Variants in CTNNA2 observed in about 807,000 individuals in gnomAD.
CTNNA2 encodes the protein catenin alpha 2.
A neutral mutation model predicts 101.0 loss-of-function variants in CTNNA2; 42 were observed. The ratio of observed to expected loss-of-function variants is 0.42; its 90% CI spans 0.32 to 0.54. The LOEUF (loss-of-function observed/expected upper bound fraction) is 0.54. CTNNA2 is among the 20% of genes least tolerant of loss of function. The pLI is 0.14. For synonymous variants in CTNNA2, 450 were observed against 456.4 expected (o/e 0.99, Z 0.18); for missense variants, 871 against 1,223.1 (o/e 0.71, Z 4.29).
chr2:79,541,832 G>C (rs1297951183), intron 1 of CTNNA2, among the ~76,000 whole-genome samples: 1 of 151,956 alleles, frequency 6.6e-6, no homozygotes, highest in Non-Finnish European at 1.5e-5. Context: ...TCACCATGTT[G>C]TCCAGGATGG....
chr2:80,279,419 T>G (rs1674189922), intron 7 of CTNNA2, among the ~76,000 whole-genome samples: 1 of 152,184 alleles, frequency 6.6e-6, no homozygotes, highest in Non-Finnish European at 1.5e-5. Context: ...GCCACTATGA[T>G]TTTCCAAGTG....
At chr2:80,536,445 T>TTCTGC (rs1306494183) in intron 9 of CTNNA2, among the ~76,000 whole-genome samples, 3 of 152,188 alleles carry the variant, frequency 2.0e-5, no homozygotes, top group Non-Finnish European at 2.9e-5. Context: ...CGAATTGCTA[T>TTCTGC]TCTGCTTTAT....
At chr2:80,412,770 G>A (rs11899861) in intron 8 of CTNNA2, among the ~76,000 whole-genome samples, 2,731 of 152,034 alleles carry the variant, frequency 0.018, 81 homozygotes, top group African/African-American at 0.061. Flanking sequence ...TCTTGACATC[G>A]ATGACTGAGG....
chr2:79,248,411 T>C (rs1471501256), intron 2 of CTNNA2, among the ~76,000 whole-genome samples: 1 of 151,788 alleles, frequency 6.6e-6, no homozygotes, highest in Non-Finnish European at 1.5e-5. Flanking sequence ...ATATAAAAAT[T>C]ATTAATGAGT....
chr2:80,504,815 C>T (rs911792261), intron 9 of CTNNA2, among the ~76,000 whole-genome samples: 1 of 152,200 alleles, frequency 6.6e-6, no homozygotes, highest in Admixed American at 6.5e-5. Flanking sequence ...TTTTTAAACA[C>T]GTGGCCTGTG....
At chr2:79,502,151 C>A (rs1265329816) in intron 4 of CTNNA2, among the ~76,000 whole-genome samples, 1 of 151,870 alleles carries the variant, frequency 6.6e-6, no homozygotes, top group African/African-American at 2.4e-5. Flanking sequence ...GGAAATGTGA[C>A]TTAAATACAA....
At chr2:79,296,781 A>G (rs1675989650) in intron 2 of CTNNA2, among the ~76,000 whole-genome samples, 1 of 152,098 alleles carries the variant, frequency 6.6e-6, no homozygotes, top group Non-Finnish European at 1.5e-5. Flanking sequence ...AGAACCAAAC[A>G]GCTCTCTGCT....
chr2:79,245,871 G>A (rs570540505), intron 2 of CTNNA2, among the ~76,000 whole-genome samples: 1 of 152,286 alleles, frequency 6.6e-6, no homozygotes, highest in Admixed American at 6.5e-5. Context: ...TCCACAGTCA[G>A]GGATGACAGG....
In CTNNA2 at chr2:79,954,940, A is replaced by G. The variant is rs536949174; in HGVS notation, c.1056+45143A>G. Among the ~76,000 whole-genome samples, 12 of 152,314 alleles carry G rather than the reference A, an allele frequency of 7.9e-5. No individual in the cohort carries two copies. The South Asian group carries it at 2.5e-3, about 32-fold the overall frequency. On this transcript the variant is annotated intron_variant, in intron 7 of 18. Transcript: ENST00000402739. ...GTTGGGAGCAGTACATACCAACTTC[A>G]GAAGAAATACCCTTCTCTTTGAACA...
chr2:79,310,519 A>G (rs941075136), intron 2 of CTNNA2, among the ~76,000 whole-genome samples: 4 of 152,212 alleles, frequency 2.6e-5, no homozygotes, highest in African/African-American at 9.7e-5. Flanking sequence ...TCTTCTCAAG[A>G]CTACTGAAGA....
chr2:80,043,434 G>A lies in CTNNA2; in HGVS notation c.1056+133637G>A, dbSNP rs146383939. Among the ~76,000 whole-genome samples the A allele has an allele frequency of 5.1e-3, 775 of 152,140 alleles. 3 individuals carry two copies. The highest frequency in any genetic ancestry group is 0.018 in the African/African-American group (728 of 41,514). On this transcript the variant is annotated intron_variant, in intron 7 of 18. Coordinates refer to ENST00000402739, the MANE Select transcript of CTNNA2 (RefSeq NM_001282597.3). The stretch of plus-strand genomic sequence containing the variant: ...ACTTTTCTCGAACTCCTGACCTCAA[G>A]TGATCCACCTGTCTCGGCCTCCCAA...
At chr2:79,841,412 G>A (rs1296204953) in intron 3 of CTNNA2, among the ~76,000 whole-genome samples, 1 of 152,088 alleles carries the variant, frequency 6.6e-6, no homozygotes. Flanking sequence ...CTATGGAATG[G>A]CAAATAAGCC....
chr2:79,607,409 C>T (rs866243456), intron 1 of CTNNA2, among the ~76,000 whole-genome samples: 5 of 152,146 alleles, frequency 3.3e-5, no homozygotes, highest in Middle Eastern at 3.4e-3. Context: ...TGGACCTAAT[C>T]GATGTTTATA....
chr2:80,245,437 G>A (rs1035652808), intron 7 of CTNNA2, among the ~76,000 whole-genome samples: 1 of 152,262 alleles, frequency 6.6e-6, no homozygotes, highest in East Asian at 1.9e-4. Flanking sequence ...ATTTTAACCA[G>A]GGGGTGAATA....
At chr2:79,520,873 G>T (rs1672066095) in intron 1 of CTNNA2, among the ~76,000 whole-genome samples, 1 of 151,844 alleles carries the variant, frequency 6.6e-6, no homozygotes, top group Non-Finnish European at 1.5e-5. Context: ...ATACATTGCT[G>T]GTGGGAATGT....
intron 7 of CTNNA2, among the ~76,000 whole-genome samples, chr2:80,269,502 G>T (rs1316351346): frequency 1.3e-5 from 2 of 151,980 alleles, no homozygotes; most frequent in Non-Finnish European, 2.9e-5. Flanking sequence ...GATGCAAAAG[G>T]ATACCTTAAT....
chr2:80,205,087 G>T (rs1420105651), intron 7 of CTNNA2, among the ~76,000 whole-genome samples: 1 of 152,164 alleles, frequency 6.6e-6, no homozygotes, highest in Non-Finnish European at 1.5e-5. Context: ...TGTGAATTAT[G>T]TGAGCTACAA....
At chr2:80,256,875 C>G (rs1573527764) in intron 7 of CTNNA2, among the ~76,000 whole-genome samples, 2 of 152,118 alleles carry the variant, frequency 1.3e-5, no homozygotes, top group East Asian at 3.9e-4. Flanking sequence ...TGAATAACAC[C>G]ATTGGTTCAT....
At chr2:79,289,958 CT>C (rs1675750737) in intron 2 of CTNNA2, among the ~76,000 whole-genome samples, 1 of 152,060 alleles carries the variant, frequency 6.6e-6, no homozygotes, top group Non-Finnish European at 1.5e-5. Flanking sequence ...CCTATATTTC[CT>C]TTTCTGTGAT....
Sources: allele counts gnomAD v4.1 joint callset (sites outside exome capture counted in the v4.1 genomes callset), GRCh38; gene constraint gnomAD v4.1.1; transcripts MANE v1.5; gene names NCBI Gene and HGNC (gene_info 2026-07-23, HGNC 2026-07-21).